The following SLC24A2 variants were observed in gnomAD, a reference collection of about 807,000 sequenced individuals.
SLC24A2 encodes the protein sodium/potassium/calcium exchanger 2.
Under a neutral mutation model 62.0 loss-of-function variants are expected in SLC24A2, and 36 were observed. The observed-to-expected ratio is 0.58, with a 90% CI of 0.44 to 0.77. The LOEUF is 0.77. Ranked by LOEUF, SLC24A2 falls within the 30% of genes least tolerant of loss-of-function variation. SLC24A2 has a pLI of 0.00. For synonymous variants in SLC24A2, 358 were observed against 294.0 expected (o/e 1.22, Z -2.23); for missense variants, 846 against 817.9 (o/e 1.03, Z -0.42).
the SLC24A2 span, among the ~76,000 whole-genome samples, chr9:19,876,489 A>G: frequency 6.6e-6 from 1 of 152,038 alleles, no homozygotes; most frequent in East Asian, 1.9e-4. Flanking sequence ...TGAATTCTTT[A>G]CAGCCTTCTT....
the SLC24A2 span, among the ~76,000 whole-genome samples, chr9:20,253,257 A>G: frequency 2.0e-5 from 3 of 152,216 alleles, no homozygotes; most frequent in Non-Finnish European, 4.4e-5. Context: ...CTAAGCTCCC[A>G]TTTACAAAAT....
chr9:20,268,794 A>G, the SLC24A2 span, among the ~76,000 whole-genome samples: 2 of 152,318 alleles, frequency 1.3e-5, no homozygotes, highest in East Asian at 1.9e-4. Context: ...CTCAGTTCAC[A>G]TATCTTCCCA....
intron 2 of SLC24A2, among the ~76,000 whole-genome samples, chr9:19,731,515 C>CTCTCTT (rs762029806): frequency 2.8e-4 from 36 of 129,322 alleles, no homozygotes; most frequent in Non-Finnish European, 5.2e-4. Flanking sequence ...CTCTCTCTCT[C>CTCTCTT]CGTGTGTGTG....
At chr9:20,253,142 A>T in the SLC24A2 span, among the ~76,000 whole-genome samples, 3 of 152,194 alleles carry the variant, frequency 2.0e-5, no homozygotes, top group African/African-American at 7.2e-5. Flanking sequence ...GATAGTTAGG[A>T]GCCTGGTCTC....
chr9:20,291,637 T>A, the SLC24A2 span, among the ~76,000 whole-genome samples: 1 of 152,216 alleles, frequency 6.6e-6, no homozygotes, highest in African/African-American at 2.4e-5. Flanking sequence ...CATTTGCTCA[T>A]CGTGGCCTCC....
At chr9:19,815,462 A>C in the SLC24A2 span, among the ~76,000 whole-genome samples, 1 of 152,110 alleles carries the variant, frequency 6.6e-6, no homozygotes, top group Non-Finnish European at 1.5e-5. Context: ...GCTCACTTAA[A>C]ATTCAGCACT....
chr9:19,531,691 G>T (rs1019599182), intron 8 of SLC24A2, among the ~76,000 whole-genome samples: 1 of 145,608 alleles, frequency 6.9e-6, no homozygotes, highest in South Asian at 2.3e-4. Context: ...ATTTAACAAA[G>T]ACCCCCCCCC....
chr9:20,057,848 T>G, the SLC24A2 span, among the ~76,000 whole-genome samples: 19 of 152,298 alleles, frequency 1.2e-4, 1 homozygote, highest in African/African-American at 4.1e-4. Flanking sequence ...ATAGAGAATA[T>G]TTGACTTTTA....
the SLC24A2 span, among the ~76,000 whole-genome samples, chr9:20,204,838 G>C: frequency 3.3e-5 from 5 of 150,246 alleles, no homozygotes; most frequent in African/African-American, 4.9e-5. Context: ...CCGTCTCCCA[G>C]GTTCACTCCA....
At chr9:19,864,477 TA>T in the SLC24A2 span, among the ~76,000 whole-genome samples, 1 of 151,916 alleles carries the variant, frequency 6.6e-6, no homozygotes, top group Non-Finnish European at 1.5e-5. Context: ...AATTCAAATT[TA>T]AATGTCACTT....
At chr9:20,286,162 G>A in the SLC24A2 span, among the ~76,000 whole-genome samples, 2 of 152,180 alleles carry the variant, frequency 1.3e-5, no homozygotes, top group Admixed American at 1.3e-4. Flanking sequence ...TTATGACACT[G>A]TCCAGAGGTG....
chr9:19,626,434 A>G (rs1208702738), intron 2 of SLC24A2, among the ~76,000 whole-genome samples: 2 of 152,176 alleles, frequency 1.3e-5, no homozygotes, highest in Admixed American at 6.5e-5. Flanking sequence ...TTTTTGGTCA[A>G]TGACGTGGCA....
the SLC24A2 span, among the ~76,000 whole-genome samples, chr9:20,028,983 T>C: frequency 6.6e-6 from 1 of 152,298 alleles, no homozygotes. Context: ...CAAGCGACAG[T>C]CCTGGATTTA....
At chr9:20,110,681 T>G in the SLC24A2 span, among the ~76,000 whole-genome samples, 76 of 152,254 alleles carry the variant, frequency 5.0e-4, no homozygotes, top group Non-Finnish European at 7.8e-4. Flanking sequence ...TGACTCTTAT[T>G]GATATTAGAA....
chr9:20,183,013 G>A, the SLC24A2 span, among the ~76,000 whole-genome samples: 3 of 152,120 alleles, frequency 2.0e-5, no homozygotes, highest in Admixed American at 6.6e-5. Flanking sequence ...AAAAGATAAG[G>A]CAGGATTTTT....
chr9:20,139,242 G>C, the SLC24A2 span, among the ~76,000 whole-genome samples: 4 of 151,982 alleles, frequency 2.6e-5, no homozygotes, highest in South Asian at 8.3e-4. Context: ...TTAAATGCAG[G>C]GCCTCTGGAG....
intron 2 of SLC24A2, among the ~76,000 whole-genome samples, chr9:19,734,198 A>C (rs978107496): frequency 1.3e-5 from 2 of 150,744 alleles, no homozygotes; most frequent in South Asian, 4.2e-4. Context: ...ATAGTTGTAG[A>C]TATGTGGCAT....
chr9:20,150,577 G>C, the SLC24A2 span, among the ~76,000 whole-genome samples: 1 of 151,422 alleles, frequency 6.6e-6, no homozygotes, highest in African/African-American at 2.4e-5. Flanking sequence ...TCAAACTCTT[G>C]GACTACAAAC....
intron 2 of SLC24A2, among the ~76,000 whole-genome samples, chr9:19,699,607 A>G (rs1027343519): frequency 2.6e-5 from 4 of 152,202 alleles, no homozygotes; most frequent in African/African-American, 9.6e-5. Flanking sequence ...TATATATGAC[A>G]TGCATTTTCT....
Sources: allele counts gnomAD v4.1 joint callset (sites outside exome capture counted in the v4.1 genomes callset), GRCh38; gene constraint gnomAD v4.1.1; transcripts MANE v1.5; gene names NCBI Gene and HGNC (gene_info 2026-07-23, HGNC 2026-07-21).